The following MNT variants were observed in gnomAD, a reference collection of about 807,000 sequenced individuals.
MNT encodes max-binding protein MNT.
In MNT, 13 loss-of-function variants were observed where a neutral mutation model predicts 40.7. The observed-to-expected ratio is 0.32, with a 90% CI of 0.21 to 0.51. The LOEUF is 0.51. Ranked by LOEUF, MNT falls within the 20% of genes least tolerant of loss-of-function variation. MNT has a pLI of 0.98. For synonymous variants in MNT, 426 were observed against 354.8 expected (o/e 1.20, Z -2.26); for missense variants, 757 against 792.0 (o/e 0.96, Z 0.53).
In MNT at chr17:2,384,625, T is replaced by TGC. The variant is rs1213362520; in HGVS notation, c.*2275_*2276insGC. 7 of 153,584 alleles carry TGC rather than the reference T, an allele frequency of 4.6e-5. No homozygotes were observed. The highest frequency in any genetic ancestry group is 2.4e-5 in the African/African-American group (1 of 41,290). 9.5% of individuals were successfully genotyped at this position (153,584 alleles called of 1,614,324 possible). On this transcript the variant is annotated 3_prime_UTR_variant, in exon 6 of 6. Transcript: ENST00000174618. The stretch of plus-strand genomic sequence containing the variant: ...GTGTGTGTGTGTGTGTGTGTGTGTG[T>TGC]GTCCCAGGCTGGAAGGGCTAGGGAG...
At chr17:2,393,143 C>A (rs1178713874) in intron 4 of MNT, among the ~76,000 whole-genome samples, 25 of 150,590 alleles carry the variant, frequency 1.7e-4, no homozygotes, top group Non-Finnish European at 2.1e-4. Context: ...CCGCCCACCC[C>A]CCCCCCAACG....
chr17:2,395,902 G>GT lies in MNT; in HGVS notation c.74-449_74-448insA, dbSNP rs1385499964. Among the ~76,000 whole-genome samples the GT allele has an allele frequency of 5.3e-5, 8 of 152,268 alleles. No homozygotes were observed. In the East Asian group the frequency reaches 1.5e-3, roughly 29 times the overall value. On this transcript the variant is annotated intron_variant, in intron 1 of 5. Transcript: ENST00000174618. ...CCACCCAAGACTTCACACCAGAGGG[G>GT]GGGGTGTGCTGACAGATCCCAGCTT...
chr17:2,392,243 A>T (rs1187076077), intron 4 of MNT, among the ~76,000 whole-genome samples: 1 of 152,186 alleles, frequency 6.6e-6, no homozygotes, highest in African/African-American at 2.4e-5. Context: ...CACCTCAATG[A>T]ATAAATGAAT....
intron 1 of MNT, 116 bp downstream of exon 1, chr17:2,400,524 C>T: frequency 1.0e-6 from 1 of 994,978 alleles, no homozygotes; most frequent in Non-Finnish European, 1.4e-6. Context: ...CGTGCGCTGC[C>T]AGGCTCCGCA....
chr17:2,400,777 A>T lies in MNT; in HGVS notation c.-65T>A. The T allele has an allele frequency of 7.1e-7, 1 of 1,408,938 alleles. No homozygotes were observed. The highest frequency in any genetic ancestry group is 9.3e-7 in the Non-Finnish European group (1 of 1,071,274). 87.3% of individuals were successfully genotyped at this position (1,408,938 alleles called of 1,614,324 possible). A position where few individuals can be genotyped will look rare whatever the true frequency, so the allele number is the denominator to read the frequency against. On this transcript the variant is annotated 5_prime_UTR_variant, in exon 1 of 6. Coordinates refer to ENST00000174618, the MANE Select transcript of MNT (RefSeq NM_020310.3). Reference sequence around the variant, plus strand: ...GCGGCCCGCGAGCCGGGCACAGGTCAGGCTGGCGGGCAGGCAGGAGGGAGG... The same window carrying T: ...GCGGCCCGCGAGCCGGGCACAGGTCTGGCTGGCGGGCAGGCAGGAGGGAGG...
chr17:2,399,124 G>C (rs552777239), intron 1 of MNT, among the ~76,000 whole-genome samples: 1 of 152,248 alleles, frequency 6.6e-6, no homozygotes, highest in South Asian at 2.1e-4. Flanking sequence ...GAAAGGAAAG[G>C]AGGGCGAAGC....
chr17:2,396,104 C>T (rs1398535750), intron 1 of MNT, among the ~76,000 whole-genome samples: 1 of 151,372 alleles, frequency 6.6e-6, no homozygotes, highest in Non-Finnish European at 1.5e-5. Context: ...GCTGACAGTC[C>T]CTGGATCCTC....
chr17:2,394,034 G>A lies in MNT; in HGVS notation c.807+9C>T, dbSNP rs763864434. The A allele has an allele frequency of 6.4e-7, 1 of 1,564,250 alleles. No individual in the cohort carries two copies. Among genetic ancestry groups the A allele is most frequent in the African/African-American group, 1.4e-5 (1 of 70,548 alleles). On this transcript the variant is annotated intron_variant, in intron 4 of 5. Transcript: ENST00000174618. The stretch of plus-strand genomic sequence containing the variant: ...GAAGCTGCGCGACGCCGGCCTCCGG[G>A]CCCCATACCTGGATGTACCGCAGCG...
intron 2 of MNT, 38 bp downstream of exon 2, chr17:2,394,837 T>C: frequency 6.8e-7 from 1 of 1,476,974 alleles, no homozygotes; most frequent in Non-Finnish European, 9.2e-7. Flanking sequence ...GCACCTCTCC[T>C]ATCCCCCACC....
At position 2,396,268 on chromosome 17, in the gene MNT, C is replaced by T. The variant is rs547254388; in HGVS notation, c.74-814G>A. Reference sequence around the variant, plus strand: ...CAAACACACTTCGTCCCTCTCTGACCCTTCTCGTGTTATAACTCATTTTCC... The same window carrying T: ...CAAACACACTTCGTCCCTCTCTGACTCTTCTCGTGTTATAACTCATTTTCC... On this transcript the variant is annotated intron_variant, in intron 1 of 5. Transcript: ENST00000174618. Among the ~76,000 whole-genome samples, 57 of 152,332 alleles carry T rather than the reference C, an allele frequency of 3.7e-4. 1 individual carries two copies. The highest frequency in any genetic ancestry group is 1.3e-3 in the African/African-American group (55 of 41,580).
At chr17:2,393,154 C>T (rs2066538222) in intron 4 of MNT, among the ~76,000 whole-genome samples, 1 of 143,488 alleles carries the variant, frequency 7.0e-6, no homozygotes, top group South Asian at 2.3e-4. Flanking sequence ...CCCCCCAACG[C>T]GGGCTGGGAG....
At chr17:2,394,785 G>C (rs1281328521) in intron 2 of MNT, 90 bp downstream of exon 2, 3 of 912,346 alleles carry the variant, frequency 3.3e-6, no homozygotes, top group Non-Finnish European at 5.1e-6. Context: ...GCACTTCTAA[G>C]CTGGGGAGGG....
chr17:2,392,564 G>C (rs1269133909), intron 4 of MNT: 3 of 152,360 alleles, frequency 2.0e-5, no homozygotes, highest in East Asian at 1.9e-4. Flanking sequence ...AACACCCTCA[G>C]CCAGCCCTGC....
chr17:2,394,400 T>G, intron 2 of MNT, 54 bp from the exon 3 acceptor site: 9 of 1,610,992 alleles, frequency 5.6e-6, no homozygotes, highest in Non-Finnish European at 7.6e-6. Flanking sequence ...TAGACGGCCT[T>G]CCTGACCAGC....
Position 2,386,709 on chromosome 17 carries a change from A to C in MNT, c.*192T>G. ...CGCATTTTCTCAGAGTCATCTTACC[A>C]AGTCCTAGTGCAGCAGGGTGGCCCT... On this transcript the variant is annotated 3_prime_UTR_variant, in exon 6 of 6. Coordinates refer to ENST00000174618, the MANE Select transcript of MNT (RefSeq NM_020310.3). 1 of 518,966 alleles carries C rather than the reference A, an allele frequency of 1.9e-6. No homozygotes were observed. Among genetic ancestry groups the C allele is most frequent in the Non-Finnish European group, 3.3e-6 (1 of 304,028 alleles). 32.1% of individuals were successfully genotyped at this position (518,966 alleles called of 1,614,324 possible). A position where few individuals can be genotyped will look rare whatever the true frequency, so the allele number is the denominator to read the frequency against.
chr17:2,398,184 C>G (rs970395463), intron 1 of MNT, among the ~76,000 whole-genome samples: 10 of 152,254 alleles, frequency 6.6e-5, no homozygotes, highest in Admixed American at 5.9e-4. Context: ...CCTCTGGACA[C>G]TCCAACCAAC....
rs2066552911 is a variant in MNT at position 2,394,119 on chromosome 17, T to C, written c.731A>G (p.Lys244Arg). 1.9e-6 allele frequency: 3 copies of C among 1,609,420 alleles called. No homozygotes were observed. The highest frequency in any genetic ancestry group is 1.4e-5 in the African/African-American group (1 of 74,064). ...AHLKECFETLKRNIPNVDDKK... is the reference protein window; with the variant it reads ...AHLKECFETLRRNIPNVDDKK... ...GTCATCCACGTTGGGGATGTTCCGCTTCAGGGTCTCAAAGCACTCTTTCAG... is the reference window on the plus strand; with the variant it reads ...GTCATCCACGTTGGGGATGTTCCGCCTCAGGGTCTCAAAGCACTCTTTCAG... The change falls in exon 4 of 6, where the codon AAG becomes AGG. Residue 244 changes from lysine to arginine, a missense_variant. Physicochemically the swap from Lys to Arg is conservative, Grantham distance 26. This residue lies in a region of MNT where 73 missense variants were observed against 100.8 expected (regional missense o/e 0.72). Transcript: ENST00000174618.
chr17:2,396,487 G>C (rs938050035), intron 1 of MNT: 1 of 152,604 alleles, frequency 6.6e-6, no homozygotes, highest in East Asian at 1.9e-4. Flanking sequence ...AGGAGGAGGA[G>C]GTACAGCAGC....
At position 2,395,023 on chromosome 17, in the gene MNT, G is replaced by C. The variant is rs778156303; in HGVS notation, c.505C>G (p.Leu169Val). The C allele has an allele frequency of 3.1e-6, 5 of 1,597,478 alleles. No homozygotes were observed. Among genetic ancestry groups the C allele is most frequent in the Non-Finnish European group, 3.4e-6 (4 of 1,172,682 alleles). ...GCTATGGTCAGGACAGGCGTGGGGA[G>C]GGGCTGCAAAGGCTTGGGGCTGCCA... The part of the protein sequence containing the change: ...PNGSPKPLQP[L>V]PTPVLTIAPH... Residue 169 changes from leucine to valine, a missense_variant, in exon 2 of 6, where the codon CTC (leucine) becomes GTC (valine). Around this residue, in one of 4 missense-constraint regions of MNT, gnomAD observed 335 missense variants for 291.4 expected, o/e 1.15. Transcript: ENST00000174618.
Sources: allele counts gnomAD v4.1 joint callset (sites outside exome capture counted in the v4.1 genomes callset), GRCh38; gene constraint gnomAD v4.1.1; regional missense constraint gnomAD v4.1.1; transcripts MANE v1.5; gene names NCBI Gene and HGNC (gene_info 2026-07-23, HGNC 2026-07-21).